Variants in TPX2 observed in about 807,000 individuals in gnomAD.
TPX2 encodes TPX2 microtubule nucleation factor, also known as targeting protein for Xklp2.
TPX2 carries 21 observed loss-of-function variants against 93.6 expected under a neutral mutation model. The observed-to-expected ratio is 0.22, with a 90% CI of 0.16 to 0.32. The LOEUF is 0.32. Among genes scored for constraint, TPX2 ranks in the 10% least tolerant of loss-of-function variants. The pLI is 1.00. For missense variants in TPX2, 776 were observed against 871.1 expected, an observed-to-expected ratio of 0.89 and a Z score of 1.37; for synonymous variants, 281 against 298.3, an observed-to-expected ratio of 0.94 and a Z score of 0.60.
rs954863198 is a variant in TPX2, at chr20:31,793,869, A to T, written c.1531A>T (p.Ile511Leu). 3.1e-6 allele frequency: 5 copies of T among 1,605,474 alleles called. No homozygotes were observed. In the African/African-American group the frequency reaches 6.7e-5, roughly 22 times the overall value. The change falls in exon 14 of 18, where the codon ATA becomes TTA. Residue 511 changes from isoleucine (I) to leucine (L), a missense_variant. Ile to Leu is a conservative substitution (Grantham distance 5). This residue lies in a region of TPX2 where 461 missense variants were observed against 551.2 expected (regional missense o/e 0.84). Coordinates refer to ENST00000300403, the MANE Select transcript of TPX2 (RefSeq NM_012112.5). ...CTAGGAAGAGGACGAACCGGTAGTG[A>T]TAAAAGCTCAACCTGTGCCACATTA... ...EDEEEDEPVV[I>L]KAQPVPHYGV...
intron 15 of TPX2, among the ~76,000 whole-genome samples, chr20:31,796,482 A>G (rs1269653652): frequency 1.3e-5 from 2 of 152,244 alleles, no homozygotes; most frequent in Admixed American, 6.5e-5. Flanking sequence ...TATAGTCTAC[A>G]TAGTGCCTTT....
Position 31,777,702 on chromosome 20 carries a change from A to G in TPX2, c.882+64A>G, listed in dbSNP as rs550044850. 1.1e-5 allele frequency: 17 copies of G among 1,545,344 alleles called. No homozygotes were observed. In the South Asian group the frequency reaches 1.7e-4, roughly 15 times the overall value. ...ATTCATTTAGGATTTTACGTGTAGC[A>G]TTTGTGGTCACTGTTTATAATAGTA... is the stretch of plus-strand genomic sequence containing the variant. On this transcript the variant is annotated intron_variant, in intron 9 of 17. Coordinates refer to ENST00000300403, the MANE Select transcript of TPX2 (RefSeq NM_012112.5).
chr20:31,782,535 C>T, intron 11 of TPX2, 145 bp downstream of exon 11: 1 of 1,050,080 alleles, frequency 9.5e-7, no homozygotes, highest in Non-Finnish European at 1.3e-6. Flanking sequence ...ACGCCCCTGC[C>T]TATATGATTT....
At chr20:31,782,414 A>T (rs1247089470) in intron 11 of TPX2, 24 bp downstream of exon 11, 1 of 1,585,388 alleles carries the variant, frequency 6.3e-7, no homozygotes, top group African/African-American at 1.4e-5. Context: ...GCAGTATCTG[A>T]GGAAGAGTTC....
chr20:31,795,138 T>G (rs984493330), intron 15 of TPX2, among the ~76,000 whole-genome samples: 1 of 151,320 alleles, frequency 6.6e-6, no homozygotes, highest in African/African-American at 2.4e-5. Context: ...TTCAACTCTT[T>G]TTTTGTTTGG....
intron 2 of TPX2, among the ~76,000 whole-genome samples, chr20:31,744,979 C>T (rs1328622318): frequency 6.6e-6 from 1 of 152,066 alleles, no homozygotes; most frequent in East Asian, 1.9e-4. Flanking sequence ...CCCACTTACT[C>T]GGGAGGCTGA....
At chr20:31,740,196 A>G (rs2061745842) in intron 1 of TPX2, among the ~76,000 whole-genome samples, 1 of 152,166 alleles carries the variant, frequency 6.6e-6, no homozygotes, top group Non-Finnish European at 1.5e-5. Flanking sequence ...ATAATTTTCT[A>G]GTAGTTCAGT....
At chr20:31,792,192 C>T (rs1049851689) in intron 12 of TPX2, among the ~76,000 whole-genome samples, 1 of 151,622 alleles carries the variant, frequency 6.6e-6, no homozygotes, top group African/African-American at 2.4e-5. Context: ...ATTTGAGACC[C>T]ATCTCTACAA....
At chr20:31,760,594 T>A (rs1223499794) in intron 4 of TPX2, among the ~76,000 whole-genome samples, 2 of 152,154 alleles carry the variant, frequency 1.3e-5, no homozygotes, top group African/African-American at 2.4e-5. Context: ...GGGCTTCAAG[T>A]GATCTTCCTG....
In TPX2 at chr20:31,766,465, G is replaced by GTGTGTGTGTGTGTA. The variant is rs1555880879; in HGVS notation, c.230-78_230-77insATGTGTGTGTGTGT. 17 of 1,106,970 alleles carry GTGTGTGTGTGTGTA rather than the reference G, an allele frequency of 1.5e-5. No homozygotes were observed. The African/African-American group carries it at 2.4e-4, about 16-fold the overall frequency. The allele number at this position is 1,106,970 out of a possible 1,614,324, so 68.6% of individuals were successfully genotyped here. A position where few individuals can be genotyped will look rare whatever the true frequency, so the allele number is the denominator to read the frequency against. The stretch of plus-strand genomic sequence containing the variant: ...TGTGGCTTAGACAGGGTGTGTGTGT[G>GTGTGTGTGTGTGTA]TGTGTGTGTGTGTGTGTGTGTGTGT... On this transcript the variant is annotated intron_variant, in intron 4 of 17. Coordinates refer to ENST00000300403, the MANE Select transcript of TPX2 (RefSeq NM_012112.5).
chr20:31,787,081 G>T (rs1399116716), intron 12 of TPX2, among the ~76,000 whole-genome samples: 1 of 151,596 alleles, frequency 6.6e-6, no homozygotes, highest in Non-Finnish European at 1.5e-5. Flanking sequence ...AATAGTAATT[G>T]TCATTTTATT....
chr20:31,745,418 C>T (rs2061778030), intron 2 of TPX2, among the ~76,000 whole-genome samples: 1 of 151,348 alleles, frequency 6.6e-6, no homozygotes, highest in Non-Finnish European at 1.5e-5. Context: ...CAACCTCTGC[C>T]TCCCTGGTTC....
chr20:31,777,418 A>C, intron 8 of TPX2, 69 bp from the exon 9 acceptor site: 1 of 1,551,076 alleles, frequency 6.4e-7, no homozygotes, highest in Non-Finnish European at 8.8e-7. Flanking sequence ...AAAGGACTGG[A>C]GTAAAGGGGA....
At chr20:31,758,411 C>T (rs201404340) in intron 3 of TPX2, among the ~76,000 whole-genome samples, 3 of 152,172 alleles carry the variant, frequency 2.0e-5, no homozygotes, top group East Asian at 1.9e-4. Context: ...TGAGCCACTG[C>T]GCCTGGCCCT....
rs1568594304 is a variant in TPX2, at chr20:31,777,526, C to T, written c.770C>T (p.Ser257Leu). 6.2e-7 allele frequency: 1 copy of T among 1,614,144 alleles called. No individual in the cohort carries two copies. The highest frequency in any genetic ancestry group is 8.5e-7 in the Non-Finnish European group (1 of 1,180,002). Residue 257 changes from serine (S) to leucine (L), a missense_variant, in exon 9 of 18, where the codon TCA (serine) becomes TTA (leucine). Ser to Leu is a moderately radical substitution (Grantham distance 145). This residue lies in a region of TPX2 where 279 missense variants were observed against 261.6 expected (regional missense o/e 1.07). Coordinates refer to ENST00000300403, the MANE Select transcript of TPX2 (RefSeq NM_012112.5). Reference sequence around the variant, plus strand: ...AAATCAGTGAGCCAGGTCACCAAATCAGTTGACTTCCACTTCCGCACAGAT... The same window carrying T: ...AAATCAGTGAGCCAGGTCACCAAATTAGTTGACTTCCACTTCCGCACAGAT... ...VKKSVSQVTK[S>L]VDFHFRTDER...
chr20:31,760,029 A>G (rs6060930), intron 3 of TPX2, 28 bp from the exon 4 acceptor site: 715,964 of 1,608,276 alleles, frequency 0.45, 166,909 homozygotes, highest in African/African-American at 0.84. Flanking sequence ...CTTGCTGATC[A>G]GACAATGATG....
intron 5 of TPX2, among the ~76,000 whole-genome samples, chr20:31,768,489 C>T (rs1479478338): frequency 6.6e-6 from 1 of 151,594 alleles, no homozygotes; most frequent in Non-Finnish European, 1.5e-5. Flanking sequence ...TTGTAATCCG[C>T]CCACCGTGGC....
rs1323044090 is a variant in TPX2, at chr20:31,760,165, C to T, written c.215C>T (p.Thr72Ile). The change falls in exon 4 of 18, where the codon ACA becomes ATA. Residue 72 changes from threonine (T) to isoleucine (I), a missense_variant. Coordinates refer to ENST00000300403, the MANE Select transcript of TPX2 (RefSeq NM_012112.5). Reference sequence around the variant, plus strand: ...GCTAATCTTCAGCAAGCTATTGTCACACCTTTGAAACCAGGTAAGAAAACA... The same window carrying T: ...GCTAATCTTCAGCAAGCTATTGTCATACCTTTGAAACCAGGTAAGAAAACA... ...RKANLQQAIV[T>I]PLKPVDNTYY... is the part of the protein sequence containing the mutation. The T allele has an allele frequency of 8.7e-6, 14 of 1,613,652 alleles. No individual in the cohort carries two copies. The highest frequency in any genetic ancestry group is 1.3e-5 in the African/African-American group (1 of 74,884).
intron 12 of TPX2, among the ~76,000 whole-genome samples, chr20:31,791,002 G>A (rs1263147284): frequency 6.6e-6 from 1 of 152,064 alleles, no homozygotes; most frequent in African/African-American, 2.4e-5. Context: ...AGATGAATTG[G>A]GTGCTTTCAA....
Sources: allele counts gnomAD v4.1 joint callset (sites outside exome capture counted in the v4.1 genomes callset), GRCh38; gene constraint gnomAD v4.1.1; regional missense constraint gnomAD v4.1.1; transcripts MANE v1.5; gene names NCBI Gene and HGNC (gene_info 2026-07-23, HGNC 2026-07-21).